Variants in PSMD14 observed in about 807,000 individuals in gnomAD.
PSMD14 encodes ubiquitin C-terminal hydrolase PSMD14.
A neutral mutation model predicts 41.2 loss-of-function variants in PSMD14; 7 were observed. That is an observed-to-expected ratio of 0.17 (90% CI 0.10 to 0.32). The LOEUF is 0.32. Ranked by LOEUF, PSMD14 falls within the 10% of genes least tolerant of loss-of-function variation. The pLI, the probability that PSMD14 is intolerant of heterozygous loss-of-function variation, is 1.00. For missense variants in PSMD14, 139 were observed against 375.6 expected (o/e 0.37, Z 5.21); for synonymous variants, 114 against 122.3 (o/e 0.93, Z 0.45).
intron 6 of PSMD14, 42 bp downstream of exon 6, chr2:161,370,219 A>G: frequency 1.5e-6 from 2 of 1,371,076 alleles, no homozygotes; most frequent in Non-Finnish European, 2.0e-6. Context: ...AATGGGAAAT[A>G]TTTATAGAAA....
intron 1 of PSMD14, among the ~76,000 whole-genome samples, chr2:161,309,365 T>C (rs1689062686): frequency 6.6e-6 from 1 of 152,156 alleles, no homozygotes; most frequent in African/African-American, 2.4e-5. Context: ...TAAATGGTAA[T>C]ATAAGTTGAT....
chr2:161,335,710 C>G (rs1682859374), intron 3 of PSMD14, among the ~76,000 whole-genome samples: 1 of 152,222 alleles, frequency 6.6e-6, no homozygotes, highest in African/African-American at 2.4e-5. Context: ...ATTTCACATG[C>G]ATTTTCCCAG....
intron 3 of PSMD14, 75 bp downstream of exon 3, chr2:161,318,948 A>G (rs1257335394): frequency 1.7e-6 from 2 of 1,184,662 alleles, no homozygotes; most frequent in East Asian, 2.4e-5. Context: ...AAGAGAAAGA[A>G]ATTATCCCCA....
intron 3 of PSMD14, among the ~76,000 whole-genome samples, chr2:161,332,190 A>G (rs961527156): frequency 2.6e-5 from 4 of 152,210 alleles, no homozygotes; most frequent in Admixed American, 6.5e-5. Flanking sequence ...TTTTAAGACT[A>G]TTTAAGGAAT....
intron 10 of PSMD14, among the ~76,000 whole-genome samples, chr2:161,395,645 T>G (rs1393328503): frequency 6.6e-6 from 1 of 152,240 alleles, no homozygotes; most frequent in African/African-American, 2.4e-5. Flanking sequence ...AATTATTTAT[T>G]GAAAATCTAA....
chr2:161,405,141 G>A (rs1426522524), intron 10 of PSMD14, among the ~76,000 whole-genome samples: 2 of 152,068 alleles, frequency 1.3e-5, no homozygotes, highest in South Asian at 2.1e-4. Context: ...TCTAGGCATC[G>A]TGTAGGTTTG....
chr2:161,402,980 T>G (rs1408122126), intron 10 of PSMD14, among the ~76,000 whole-genome samples: 6 of 152,204 alleles, frequency 3.9e-5, no homozygotes, highest in Non-Finnish European at 8.8e-5. Flanking sequence ...GAAAACAGTT[T>G]GGTGGTTCCT....
At chr2:161,321,357 A>G (rs926251249) in intron 3 of PSMD14, among the ~76,000 whole-genome samples, 1 of 152,222 alleles carries the variant, frequency 6.6e-6, no homozygotes, top group Non-Finnish European at 1.5e-5. Flanking sequence ...TGGACATTTT[A>G]TGAGTGAATA....
At chr2:161,381,441 G>T (rs1000348844) in intron 7 of PSMD14, 12 of 151,800 alleles carry the variant, frequency 7.9e-5, no homozygotes, top group Non-Finnish European at 1.3e-4. Context: ...ACTGAAAAGA[G>T]AGAGAGAAAA....
At chr2:161,344,647 T>C (rs1177982923) in intron 3 of PSMD14, among the ~76,000 whole-genome samples, 1 of 152,208 alleles carries the variant, frequency 6.6e-6, no homozygotes, top group African/African-American at 2.4e-5. Context: ...TTCTTTTTAT[T>C]GTATAGATCC....
chr2:161,312,122 A>T (rs1185413157), intron 1 of PSMD14, among the ~76,000 whole-genome samples: 1 of 151,962 alleles, frequency 6.6e-6, no homozygotes, highest in Non-Finnish European at 1.5e-5. Context: ...CTTGAAAAGG[A>T]TTGAGCATCA....
chr2:161,345,531 G>A (rs1683029536), intron 3 of PSMD14, among the ~76,000 whole-genome samples: 1 of 152,048 alleles, frequency 6.6e-6, no homozygotes, highest in African/African-American at 2.4e-5. Context: ...AAAGTGCTGG[G>A]ATTATAGGCA....
intron 10 of PSMD14, 23 bp downstream of exon 10, chr2:161,395,226 C>A: frequency 1.3e-6 from 2 of 1,541,064 alleles, no homozygotes; most frequent in African/African-American, 1.4e-5. Context: ...TCTGCCATTT[C>A]TTCTTTATAA....
At chr2:161,372,727 CTT>C (rs967002458) in intron 7 of PSMD14, among the ~76,000 whole-genome samples, 4 of 151,824 alleles carry the variant, frequency 2.6e-5, no homozygotes, top group Non-Finnish European at 5.9e-5. Context: ...TTTGATGCCT[CTT>C]AAGTTTAATT....
intron 3 of PSMD14, among the ~76,000 whole-genome samples, chr2:161,326,333 AAC>A (rs1682699603): frequency 6.6e-6 from 1 of 152,136 alleles, no homozygotes; most frequent in African/African-American, 2.4e-5. Flanking sequence ...GCCCAGTCCA[AAC>A]TTCATAATTT....
chr2:161,346,905 T>G (rs775373305), intron 3 of PSMD14, among the ~76,000 whole-genome samples: 3 of 152,202 alleles, frequency 2.0e-5, no homozygotes, highest in Non-Finnish European at 4.4e-5. Context: ...CACACATGCA[T>G]TGATCATTAT....
chr2:161,326,212 G>A (rs368752667), intron 3 of PSMD14, among the ~76,000 whole-genome samples: 4 of 152,130 alleles, frequency 2.6e-5, no homozygotes, highest in South Asian at 2.1e-4. Flanking sequence ...TGTAGTTTTA[G>A]TAGAGACAGG....
chr2:161,343,365 C>G (rs1179587231), intron 3 of PSMD14, among the ~76,000 whole-genome samples: 3 of 152,154 alleles, frequency 2.0e-5, no homozygotes, highest in Non-Finnish European at 2.9e-5. Context: ...TAAGGTTCAT[C>G]CATGTTGTAG....
At chr2:161,339,531 C>CA (rs1682919335) in intron 3 of PSMD14, among the ~76,000 whole-genome samples, 1 of 125,104 alleles carries the variant, frequency 8.0e-6, no homozygotes, top group South Asian at 2.6e-4. Context: ...ATCATCTACT[C>CA]AAAGTTTATT....
Sources: allele counts gnomAD v4.1 joint callset (sites outside exome capture counted in the v4.1 genomes callset), GRCh38; gene constraint gnomAD v4.1.1; transcripts MANE v1.5; gene names NCBI Gene and HGNC (gene_info 2026-07-23, HGNC 2026-07-21).